The following CCDC178 variants were observed in gnomAD, a reference collection of about 807,000 sequenced individuals.
The protein encoded by CCDC178 is coiled-coil domain containing 178, also known as coiled-coil domain-containing protein 178.
A neutral mutation model predicts 117.4 loss-of-function variants in CCDC178; 126 were observed. The observed-to-expected ratio is 1.07, with a 90% CI of 0.93 to 1.24. The LOEUF is 1.24. Among genes scored for constraint, CCDC178 ranks in the 50% most tolerant of loss-of-function variants. CCDC178 has a pLI of 0.00. For synonymous variants in CCDC178, 283 were observed against 313.4 expected, an observed-to-expected ratio of 0.90 and a Z score of 1.02; for missense variants, 1,030 against 986.9, an observed-to-expected ratio of 1.04 and a Z score of -0.59.
At chr18:33,419,913 TC>T (rs1230976511) in intron 2 of CCDC178, among the ~76,000 whole-genome samples, 1 of 151,438 alleles carries the variant, frequency 6.6e-6, no homozygotes, top group Non-Finnish European at 1.5e-5. Flanking sequence ...TTTCTTTCCT[TC>T]TTTTTTTTTT....
chr18:33,007,396 T>G (rs1228257827), intron 21 of CCDC178, among the ~76,000 whole-genome samples: 2 of 152,114 alleles, frequency 1.3e-5, no homozygotes, highest in Admixed American at 6.6e-5. Flanking sequence ...CTTTTTTGAC[T>G]TAAAAAGCTG....
At chr18:32,993,930 A>G (rs915067959) in intron 21 of CCDC178, among the ~76,000 whole-genome samples, 9 of 152,130 alleles carry the variant, frequency 5.9e-5, no homozygotes, top group African/African-American at 2.2e-4. Context: ...TATTATGCCT[A>G]TTGAACCAAC....
At chr18:33,278,271 A>G (rs559265491) in intron 12 of CCDC178, among the ~76,000 whole-genome samples, 39 of 132,800 alleles carry the variant, frequency 2.9e-4, no homozygotes, top group African/African-American at 1.0e-3. Flanking sequence ...ACACATATAT[A>G]TACACAAATA....
intron 12 of CCDC178, among the ~76,000 whole-genome samples, chr18:33,288,661 C>G (rs1020269643): frequency 2.0e-5 from 3 of 151,972 alleles, no homozygotes; most frequent in African/African-American, 7.2e-5. Flanking sequence ...TAAGCGCCAG[C>G]ATAGGGGTAA....
chr18:33,038,675 T>C (rs1358160793), intron 21 of CCDC178, among the ~76,000 whole-genome samples: 1 of 151,998 alleles, frequency 6.6e-6, no homozygotes, highest in African/African-American at 2.4e-5. Flanking sequence ...AAGAACTGGA[T>C]TTTTTTGCAA....
At chr18:33,340,415 AT>A (rs961213801) in intron 9 of CCDC178, among the ~76,000 whole-genome samples, 10 of 152,140 alleles carry the variant, frequency 6.6e-5, no homozygotes, top group Non-Finnish European at 1.5e-4. Flanking sequence ...AGAAAAACCC[AT>A]TTTTTGAGGA....
chr18:33,334,641 G>T (rs1221045439), intron 9 of CCDC178, among the ~76,000 whole-genome samples: 1 of 151,756 alleles, frequency 6.6e-6, no homozygotes, highest in Non-Finnish European at 1.5e-5. Context: ...TGTAATTTTG[G>T]CCTGTATTTT....
intron 19 of CCDC178, among the ~76,000 whole-genome samples, chr18:33,215,268 G>T (rs1003486066): frequency 6.6e-6 from 1 of 151,860 alleles, no homozygotes; most frequent in African/African-American, 2.4e-5. Context: ...AAGTAATGAA[G>T]AATATTATTA....
chr18:33,423,863 C>T (rs2064071478), intron 2 of CCDC178, among the ~76,000 whole-genome samples: 1 of 152,128 alleles, frequency 6.6e-6, no homozygotes, highest in Admixed American at 6.5e-5. Flanking sequence ...AAAATTAAAG[C>T]CTCAAAGTCA....
intron 20 of CCDC178, among the ~76,000 whole-genome samples, chr18:33,202,511 CCAGT>C (rs1356581662): frequency 6.6e-6 from 1 of 151,052 alleles, no homozygotes; most frequent in Non-Finnish European, 1.5e-5. Flanking sequence ...AAAGCTGTTA[CCAGT>C]CAACCAGGAT....
chr18:33,084,750 GC>G (rs1477629271), intron 21 of CCDC178, among the ~76,000 whole-genome samples: 1 of 151,502 alleles, frequency 6.6e-6, no homozygotes, highest in Non-Finnish European at 1.5e-5. Flanking sequence ...GGAGGAGGTT[GC>G]AGTGAGCCGA....
At chr18:33,314,905 T>C (rs2062395768) in intron 11 of CCDC178, among the ~76,000 whole-genome samples, 1 of 152,164 alleles carries the variant, frequency 6.6e-6, no homozygotes. Context: ...AGATCTAAGA[T>C]TCCTGCTCAA....
At chr18:33,212,792 T>C (rs780931838) in intron 19 of CCDC178, among the ~76,000 whole-genome samples, 2 of 151,988 alleles carry the variant, frequency 1.3e-5, no homozygotes, top group Non-Finnish European at 2.9e-5. Flanking sequence ...ATAACTTTTA[T>C]GGTGAACTCA....
intron 6 of CCDC178, among the ~76,000 whole-genome samples, chr18:33,358,652 T>C (rs1383302859): frequency 6.6e-6 from 1 of 151,794 alleles, no homozygotes; most frequent in East Asian, 1.9e-4. Context: ...ATTGAGCAAA[T>C]CTCCAAAGAA....
chr18:33,368,455 T>C (rs186842133), intron 6 of CCDC178, among the ~76,000 whole-genome samples: 11 of 152,032 alleles, frequency 7.2e-5, no homozygotes, highest in Non-Finnish European at 1.3e-4. Flanking sequence ...TTGAGGTTTT[T>C]CAATATATTT....
chr18:33,101,722 A>C (rs908906173), intron 20 of CCDC178, among the ~76,000 whole-genome samples: 1 of 151,998 alleles, frequency 6.6e-6, no homozygotes, highest in African/African-American at 2.4e-5. Flanking sequence ...TAAATGCAGA[A>C]ATTGTAAGAA....
intron 21 of CCDC178, among the ~76,000 whole-genome samples, chr18:32,999,040 C>T (rs964528900): frequency 4.6e-5 from 7 of 152,032 alleles, no homozygotes; most frequent in Non-Finnish European, 4.4e-5. Context: ...AACTGGGGTT[C>T]CCAATTCCAG....
intron 4 of CCDC178, among the ~76,000 whole-genome samples, chr18:33,393,054 A>G (rs2063583336): frequency 6.6e-6 from 1 of 152,174 alleles, no homozygotes; most frequent in Non-Finnish European, 1.5e-5. Flanking sequence ...CTCAAAATCA[A>G]TAAGGAGTAC....
chr18:33,036,613 G>T (rs2056449897), intron 21 of CCDC178, among the ~76,000 whole-genome samples: 1 of 151,856 alleles, frequency 6.6e-6, no homozygotes, highest in Admixed American at 6.6e-5. Flanking sequence ...AAAAGTCCAG[G>T]GTGGGAAACA....
Sources: gnomAD v4.1 joint callset for allele counts (sites outside exome capture counted in the v4.1 genomes callset) on GRCh38, gnomAD v4.1.1 for gene constraint, MANE v1.5 for transcripts, NCBI Gene and HGNC (gene_info 2026-07-23, HGNC 2026-07-21) for gene names.